Variants in PURG observed in about 807,000 individuals in gnomAD.
The protein encoded by PURG is purine rich element binding protein G.
PURG carries 3 observed loss-of-function variants against 24.3 expected under a neutral mutation model. That is an observed-to-expected ratio of 0.12 (90% CI 0.06 to 0.32). PURG has a LOEUF of 0.32. Among genes scored for constraint, PURG ranks in the 10% least tolerant of loss-of-function variants. The probability of loss-of-function intolerance (pLI) is 1.00; values close to 1 mark genes in which losing one functional copy is unlikely to be tolerated. For synonymous variants in PURG, 180 were observed against 173.1 expected (o/e 1.04, Z -0.31); for missense variants, 371 against 439.1 (o/e 0.84, Z 1.39).
chr8:31,033,282 G>C lies in PURG; in HGVS notation c.-211C>G. On this transcript the variant is annotated 5_prime_UTR_variant, in exon 1 of 2. Coordinates refer to ENST00000523392, the MANE Select transcript of PURG (RefSeq NM_001323311.2). ...CACCGCAGCCGCCCCTCCTGCGGCC[G>C]CTGCGGGGGCCGCCGCCTGACTTCG... The C allele has an allele frequency of 6.2e-6, 1 of 161,892 alleles. No individual in the cohort carries two copies. The allele number at this position is 161,892 out of a possible 1,614,324, so 10.0% of individuals were successfully genotyped here.
chr8:31,026,141 G>C (rs1248224971), downstream of PURG, among the ~76,000 whole-genome samples: 4 of 151,680 alleles, frequency 2.6e-5, no homozygotes, highest in African/African-American at 4.8e-5. Flanking sequence ...CTCTTATAAG[G>C]GCAAGGTCTT....
At chr8:31,000,526 A>G (rs1810516989) in intron 1 of PURG, among the ~76,000 whole-genome samples, 1 of 152,130 alleles carries the variant, frequency 6.6e-6, no homozygotes, top group African/African-American at 2.4e-5. Flanking sequence ...GGAGAGAGAG[A>G]ATGTAAGATT....
rs1811183199 is a variant in PURG, at chr8:31,030,876, G to T, written c.*863C>A. Reference sequence around the variant, plus strand: ...TGAGTCCATGATATATTTTGGGGAAGAAACCTCTTGCAATCTTTAAATTAG... The same window carrying T: ...TGAGTCCATGATATATTTTGGGGAATAAACCTCTTGCAATCTTTAAATTAG... On this transcript the variant is annotated 3_prime_UTR_variant, in exon 2 of 2. Transcript: ENST00000523392. The T allele has an allele frequency of 6.6e-6, 1 of 152,088 alleles. No individual in the cohort carries two copies. Among genetic ancestry groups the T allele is most frequent in the Non-Finnish European group, 1.5e-5 (1 of 67,924 alleles). 9.4% of individuals were successfully genotyped at this position (152,088 alleles called of 1,614,324 possible). A position where few individuals can be genotyped will look rare whatever the true frequency, so the allele number is the denominator to read the frequency against.
intron 1 of PURG, among the ~76,000 whole-genome samples, chr8:30,999,974 A>G (rs1233959381): frequency 1.3e-5 from 1 of 77,734 alleles, no homozygotes; most frequent in Non-Finnish European, 2.3e-5. Context: ...GTTTTCCTTT[A>G]AAATAAAAAA....
At position 31,031,903 on chromosome 8, in the gene PURG, G is replaced by C. The variant is rs1382029602; in HGVS notation, c.880C>G (p.Pro294Ala). 3.1e-6 allele frequency: 5 copies of C among 1,614,098 alleles called. No homozygotes were observed. Among genetic ancestry groups the C allele is most frequent in the Non-Finnish European group, 2.5e-6 (3 of 1,179,992 alleles). ...GIFLKVSEVR[P>A]PYRNTITVPF... ...ACAGTAATAGTATTACGGTAAGGTGGTCTCACCTCACTTACCTTCAGGAAA... is the reference window on the plus strand; with the variant it reads ...ACAGTAATAGTATTACGGTAAGGTGCTCTCACCTCACTTACCTTCAGGAAA... The change falls in exon 2 of 2, where the codon CCA (proline) becomes GCA (alanine). Residue 294 changes from proline to alanine, a missense_variant. Transcript: ENST00000523392.
At chr8:31,025,713 T>G (rs2129838540) in intron 1 of PURG, among the ~76,000 whole-genome samples, 1 of 152,076 alleles carries the variant, frequency 6.6e-6, no homozygotes, top group Non-Finnish European at 1.5e-5. Flanking sequence ...TTGATGGGAA[T>G]GAAAAGAGAA....
At position 31,031,739 on chromosome 8, in the gene PURG, C is replaced by A; in HGVS notation, c.1044G>T (p.Ter348TyrextTer56). Residue 348 changes from the stop codon to tyrosine, a stop_lost, in exon 2 of 2, where the codon TAG becomes TAT. Coordinates refer to ENST00000523392, the MANE Select transcript of PURG (RefSeq NM_001323311.2). ...ASGEEQECLD* is the reference protein window; with the variant it reads ...ASGEEQECLDY ...TTGCCTGATGGAGTTCAATTTCACT[C>A]TAGTCGAGGCATTCTTGTTCTTCAC... 6.5e-7 allele frequency: 1 copy of A among 1,542,358 alleles called. No homozygotes were observed. The highest frequency in any genetic ancestry group is 8.7e-7 in the Non-Finnish European group (1 of 1,142,914).
intron 1 of PURG, among the ~76,000 whole-genome samples, chr8:31,010,836 T>G (rs1480931298): frequency 2.0e-5 from 3 of 152,194 alleles, no homozygotes; most frequent in Non-Finnish European, 4.4e-5. Context: ...ATGTAAATTA[T>G]TATAATTTAA....
In PURG at chr8:31,031,643, G is replaced by T; in HGVS notation, c.*96C>A. The T allele has an allele frequency of 3.3e-6, 4 of 1,196,972 alleles. No individual in the cohort carries two copies. The highest frequency in any genetic ancestry group is 1.6e-5 in the South Asian group (1 of 62,640). The allele number at this position is 1,196,972 out of a possible 1,614,324, so 74.1% of individuals were successfully genotyped here. On this transcript the variant is annotated 3_prime_UTR_variant, in exon 2 of 2. Transcript: ENST00000523392. ...CTAGAGGTATTACTAATAACAACGG[G>T]CCAAAAAAGAGGAAAAACTTCTTCA...
chr8:31,008,217 A>C (rs1421334), intron 1 of PURG, among the ~76,000 whole-genome samples: 74,415 of 152,068 alleles, frequency 0.49, 19,494 homozygotes, highest in East Asian at 0.78. Context: ...GTTGGGAAGA[A>C]TTAATAATGA....
rs536186002 is a variant in PURG at position 31,014,998 on chromosome 8, G to C, written c.864+16921C>G. ...TTGCTTTGTAATTGTAAATCTTTTT[G>C]CATGTGAGAATTCTAACAATACAGG... On this transcript the variant is annotated intron_variant, in intron 1 of 1. Coordinates refer to the PURG transcript ENST00000339382. 2.6e-4 allele frequency among the ~76,000 whole-genome samples: 39 copies of C among 152,266 alleles called. 1 individual carries two copies. In the South Asian group the frequency reaches 6.8e-3, roughly 27 times the overall value.
intron 1 of PURG, among the ~76,000 whole-genome samples, chr8:30,997,777 G>C (rs184341668): frequency 1.3e-5 from 2 of 151,848 alleles, no homozygotes; most frequent in East Asian, 1.9e-4. Flanking sequence ...TCACTTGAGA[G>C]GGTTGAACCC....
chr8:31,026,774 C>G (rs1585368015), downstream of PURG, among the ~76,000 whole-genome samples: 1 of 150,672 alleles, frequency 6.6e-6, no homozygotes, highest in African/African-American at 2.4e-5. Flanking sequence ...CCATTTTGTA[C>G]TATATGTATG....
At chr8:31,018,986 T>C (rs1209988852) in intron 1 of PURG, among the ~76,000 whole-genome samples, 3 of 149,222 alleles carry the variant, frequency 2.0e-5, no homozygotes, top group African/African-American at 7.4e-5. Context: ...AAATTAGGCG[T>C]TGTGGCGGGC....
chr8:31,018,447 A>G (rs1810915338), intron 1 of PURG, among the ~76,000 whole-genome samples: 1 of 152,220 alleles, frequency 6.6e-6, no homozygotes. Flanking sequence ...GAAGTCATGC[A>G]ATCCTTAAAG....
chr8:31,013,286 C>T (rs943697209), intron 1 of PURG, among the ~76,000 whole-genome samples: 1 of 152,094 alleles, frequency 6.6e-6, no homozygotes, highest in Non-Finnish European at 1.5e-5. Flanking sequence ...GGTTTAATAA[C>T]GCTTGAAGAA....
chr8:31,023,935 A>C (rs760029748), intron 1 of PURG, among the ~76,000 whole-genome samples: 1 of 152,220 alleles, frequency 6.6e-6, no homozygotes, highest in Non-Finnish European at 1.5e-5. Flanking sequence ...TAATCTGTAA[A>C]ATTCCTTTGC....
chr8:31,028,276 T>C (rs928207408), downstream of PURG, among the ~76,000 whole-genome samples: 2 of 151,818 alleles, frequency 1.3e-5, no homozygotes, highest in African/African-American at 4.8e-5. Flanking sequence ...AAGCATCTTC[T>C]ACCCTTCTCC....
chr8:31,030,709 G>A (rs1811177746), downstream of PURG: 1 of 151,168 alleles, frequency 6.6e-6, no homozygotes, highest in South Asian at 2.1e-4. Flanking sequence ...GGATTATATT[G>A]GAAGTGTTGA....
Sources: allele counts gnomAD v4.1 joint callset (sites outside exome capture counted in the v4.1 genomes callset), GRCh38; gene constraint gnomAD v4.1.1; transcripts MANE v1.5; gene names NCBI Gene and HGNC (gene_info 2026-07-23, HGNC 2026-07-21).